Variants in GAK observed in about 807,000 individuals in gnomAD.
GAK encodes cyclin-G-associated kinase.
A neutral mutation model predicts 143.9 loss-of-function variants in GAK; 79 were observed. The ratio of observed to expected loss-of-function variants is 0.55; its 90% CI spans 0.46 to 0.66. The LOEUF (loss-of-function observed/expected upper bound fraction) is 0.66, where lower values mean the gene tolerates loss of function less well. GAK is among the 30% of genes least tolerant of loss of function. The pLI, the probability that GAK is intolerant of heterozygous loss-of-function variation, is 0.00. For synonymous variants in GAK, 881 were observed against 765.5 expected (o/e 1.15, Z -2.49); for missense variants, 1,693 against 1,779.7 (o/e 0.95, Z 0.88).
At chr4:930,143 G>T (rs909824363) in intron 1 of GAK, among the ~76,000 whole-genome samples, 14 of 152,126 alleles carry the variant, frequency 9.2e-5, no homozygotes, top group Non-Finnish European at 1.5e-5. Context: ...CATAGCCTAT[G>T]TTCTAAGGTT....
At chr4:889,099 G>A in intron 10 of GAK, 129 bp from the exon 11 acceptor site, 1 of 1,221,158 alleles carries the variant, frequency 8.2e-7, no homozygotes, top group Non-Finnish European at 1.1e-6. Context: ...CACCTCCCCA[G>A]GTGCAGGTTG....
rs569926706 is a variant in GAK, at chr4:909,379, T to C, written c.382+2294A>G. ...AAACAGTGCCATGAACAACAAGAGA[T>C]TGACTGACAGACACCTCAACCGAAC... is the stretch of plus-strand genomic sequence containing the variant. On this transcript the variant is annotated intron_variant, in intron 4 of 27. Coordinates refer to ENST00000314167, the MANE Select transcript of GAK (RefSeq NM_005255.4). Among the ~76,000 whole-genome samples the C allele has an allele frequency of 7.0e-4, 106 of 152,224 alleles. 1 individual carries two copies. The highest frequency in any genetic ancestry group is 1.7e-3 in the African/African-American group (71 of 41,536).
rs1366352022 is a variant in GAK at position 867,422 on chromosome 4, C to G, written c.2406G>C (p.Glu802Asp). The part of the protein sequence containing the change: ...LHTLDWQEEK[E>D]AETGAENASS... ...AGGCATTTTCTGCACCAGTCTCTGC[C>G]TCCTTCTCTTCTGCGAAAAGGAAAC... is the stretch of plus-strand genomic sequence containing the variant. The change falls in exon 21 of 28, where the codon GAG (glutamate) becomes GAC (aspartate). Residue 802 changes from glutamate to aspartate, a missense_variant. This residue lies in a region of GAK where 822 missense variants were observed against 788.7 expected (regional missense o/e 1.04). Coordinates refer to ENST00000314167, the MANE Select transcript of GAK (RefSeq NM_005255.4). The G allele has an allele frequency of 2.0e-6, 3 of 1,523,920 alleles. No individual in the cohort carries two copies. The highest frequency in any genetic ancestry group is 2.7e-6 in the Non-Finnish European group (3 of 1,132,036). 94.4% of individuals were successfully genotyped at this position (1,523,920 alleles called of 1,614,324 possible). A position where few individuals can be genotyped will look rare whatever the true frequency, so the allele number is the denominator to read the frequency against.
Position 922,514 on chromosome 4 carries a change from C to CAAAAAA in GAK, c.146-8852_146-8847dup, listed in dbSNP as rs35567795. ...TGGGTGACAGAGCGAGACTCCATCT[C>CAAAAAA]AAAAAAAAAAAAAAAAAAAAGGCAG... is the stretch of plus-strand genomic sequence containing the variant. On this transcript the variant is annotated intron_variant, in intron 1 of 27. Coordinates refer to ENST00000314167, the MANE Select transcript of GAK (RefSeq NM_005255.4). Among the ~76,000 whole-genome samples, 2 of 62,922 alleles carry CAAAAAA rather than the reference C, an allele frequency of 3.2e-5. 1 individual carries two copies. Among genetic ancestry groups the CAAAAAA allele is most frequent in the African/African-American group, 1.5e-4 (2 of 13,050 alleles). The allele number at this position is 62,922 out of a possible 152,430, so 41.3% of individuals were successfully genotyped here.
Position 882,766 on chromosome 4 carries a change from G to A in GAK, c.1458C>T (p.Tyr486=). 6.2e-7 allele frequency: 1 copy of A among 1,612,070 alleles called. No individual in the cohort carries two copies. Among genetic ancestry groups the A allele is most frequent in the East Asian group, 2.2e-5 (1 of 44,884 alleles). ...AGGCGTGCATGTTCCTGCAGATGTT[G>A]TACAGGGTGTGCAGGTGTGGGGCCC... ...ARRAPHLHTL[Y]NICRNMHAWL... is the part of the protein sequence containing the mutation. Residue 486 remains tyrosine (Y), a synonymous_variant, in exon 14 of 28, where the codon TAC becomes TAT. Coordinates refer to ENST00000314167, the MANE Select transcript of GAK (RefSeq NM_005255.4).
intron 8 of GAK, 108 bp from the exon 9 acceptor site, chr4:893,597 T>C (rs1718109487): frequency 6.4e-6 from 5 of 775,500 alleles, no homozygotes; most frequent in Non-Finnish European, 7.8e-6. Flanking sequence ...TCTACACACA[T>C]CAGTGACGTC....
At chr4:853,129 C>A (rs1748482028) in intron 24 of GAK, 1 of 152,344 alleles carries the variant, frequency 6.6e-6, no homozygotes, top group East Asian at 1.9e-4. Context: ...CATGCCCAGA[C>A]TGTCATCTTA....
intron 21 of GAK, 110 bp from the exon 22 acceptor site, chr4:866,644 G>T: frequency 8.1e-7 from 1 of 1,236,784 alleles, no homozygotes; most frequent in Non-Finnish European, 1.1e-6. Context: ...GGGCAGCCCA[G>T]ACCCCACGGC....
Position 868,541 on chromosome 4 carries a change from T to C in GAK, c.2393A>G (p.Gln798Arg). The change falls in exon 20 of 28, where the codon CAG becomes CGG. Residue 798 changes from glutamine to arginine, a missense_variant and splice_region_variant. Physicochemically the swap from Gln to Arg is conservative, Grantham distance 43 (BLOSUM62 1). Around this residue, in one of 2 missense-constraint regions of GAK, gnomAD observed 822 missense variants for 788.7 expected, o/e 1.04. Coordinates refer to ENST00000314167, the MANE Select transcript of GAK (RefSeq NM_005255.4). ...ASRFLHTLDW[Q>R]EEKEAETGAE... The stretch of plus-strand genomic sequence containing the variant: ...CCAGGTCCAGGGACGCTGCCTACCC[T>C]GCCAGTCCAGCGTGTGCAGGAAGCG... 6.2e-7 allele frequency: 1 copy of C among 1,606,224 alleles called. No homozygotes were observed. Among genetic ancestry groups the C allele is most frequent in the Non-Finnish European group, 8.5e-7 (1 of 1,178,564 alleles).
chr4:851,109 T>C, intron 25 of GAK, 25 bp from the exon 26 acceptor site: 1 of 1,607,842 alleles, frequency 6.2e-7, no homozygotes, highest in Non-Finnish European at 8.5e-7. Flanking sequence ...AAACTTTTTT[T>C]TGTTTGAGAC....
At chr4:921,339 G>A (rs529403200) in intron 1 of GAK, among the ~76,000 whole-genome samples, 126 of 151,904 alleles carry the variant, frequency 8.3e-4, no homozygotes, top group Non-Finnish European at 1.6e-3. Context: ...CTGGCTTCAG[G>A]TGCCTTGGCC....
At chr4:850,107 G>A (rs780285744) in intron 26 of GAK, 39 bp from the exon 27 acceptor site, 12 of 1,522,548 alleles carry the variant, frequency 7.9e-6, no homozygotes, top group Non-Finnish European at 5.3e-6. Flanking sequence ...CTGGGCACCT[G>A]CCTGCCCTCC....
In GAK at chr4:905,448, C is replaced by T. The variant is rs181784207; in HGVS notation, c.383-669G>A. Among the ~76,000 whole-genome samples, 683 of 151,628 alleles carry T rather than the reference C, an allele frequency of 4.5e-3. 27 individuals are homozygous for T. The highest frequency in any genetic ancestry group is 0.041 in the Admixed American group (629 of 15,262). On this transcript the variant is annotated intron_variant, in intron 4 of 27. Transcript: ENST00000314167. ...CTACAGACTCTGCCACGCCGCGCCA[C>T]GCTAGGGGCTCCGCCACGCCCCATG...
intron 4 of GAK, among the ~76,000 whole-genome samples, chr4:910,219 C>T (rs1289959887): frequency 1.3e-5 from 2 of 152,152 alleles, no homozygotes; most frequent in African/African-American, 4.8e-5. Context: ...GCAGCTTACA[C>T]CCCACAGTCC....
chr4:919,081 G>A (rs533827618), intron 1 of GAK, among the ~76,000 whole-genome samples: 25 of 148,522 alleles, frequency 1.7e-4, no homozygotes, highest in African/African-American at 6.1e-4. Flanking sequence ...ACCTTAGAAA[G>A]ACAGAAGGCT....
chr4:849,849 C>G (rs771588990), intron 27 of GAK, 43 bp downstream of exon 27: 1 of 1,425,662 alleles, frequency 7.0e-7, no homozygotes, highest in South Asian at 1.2e-5. Context: ...CCCCCCGCCC[C>G]GCCCCTGAAG....
At chr4:875,760 T>C (rs899717902) in intron 18 of GAK, among the ~76,000 whole-genome samples, 9 of 152,176 alleles carry the variant, frequency 5.9e-5, no homozygotes, top group Non-Finnish European at 1.2e-4. Flanking sequence ...CTGGCCAACA[T>C]AGTGAAACCC....
rs758601990 is a variant in GAK at position 893,455 on chromosome 4, C to T, written c.912G>A (p.Leu304=). 3.1e-6 allele frequency: 5 copies of T among 1,590,628 alleles called. No homozygotes were observed. The Admixed American group carries it at 7.1e-5, about 23-fold the overall frequency. The change falls in exon 9 of 28, where the codon CTG becomes CTA. Residue 304 remains leucine (L), a synonymous_variant. Transcript: ENST00000314167. ...GCTGGTGCACCACCTCGGCGATGGA[C>T]AGCCGCTCCTCCGGGTTCACCTGCA... ...AMLQVNPEER[L]SIAEVVHQLQ... is the part of the protein sequence containing the mutation.
intron 3 of GAK, 188 bp downstream of exon 3, chr4:912,547 A>T: frequency 3.7e-6 from 2 of 539,050 alleles, no homozygotes; most frequent in Non-Finnish European, 6.7e-6. Context: ...GCAGTAAAAA[A>T]AAAACAGAAA....
Sources: allele counts gnomAD v4.1 joint callset (sites outside exome capture counted in the v4.1 genomes callset), GRCh38; gene constraint gnomAD v4.1.1; regional missense constraint gnomAD v4.1.1; transcripts MANE v1.5; gene names NCBI Gene and HGNC (gene_info 2026-07-23, HGNC 2026-07-21).